Variants in SNX29 observed in about 807,000 individuals in gnomAD.
SNX29 encodes sorting nexin 29, also known as sorting nexin-29.
In SNX29, 78 loss-of-function variants were observed where a neutral mutation model predicts 102.1. The observed-to-expected ratio is 0.76, with a 90% CI of 0.64 to 0.92. The LOEUF (loss-of-function observed/expected upper bound fraction) is 0.92, where lower values mean the gene tolerates loss of function less well. Among genes scored for constraint, SNX29 ranks in the 40% least tolerant of loss-of-function variants. The pLI is 0.00. For missense variants in SNX29, 1,280 were observed against 1,061.7 expected, an observed-to-expected ratio of 1.21 and a Z score of -2.86; for synonymous variants, 580 against 414.5, an observed-to-expected ratio of 1.40 and a Z score of -4.85.
At chr16:12,553,662 C>T (rs1383354844) in intron 20 of SNX29, among the ~76,000 whole-genome samples, 1 of 146,580 alleles carries the variant, frequency 6.8e-6, no homozygotes, top group Non-Finnish European at 1.5e-5. Flanking sequence ...GTGATCTTGG[C>T]TCACTGCAAC....
chr16:12,367,584 C>G (rs1015775060), intron 16 of SNX29: 2 of 152,212 alleles, frequency 1.3e-5, no homozygotes. Flanking sequence ...CTGGGACTTT[C>G]TTGGTTTCTT....
rs142686001 is a variant in SNX29 at position 12,263,960 on chromosome 16, C to A, written c.1679-13973C>A. On this transcript the variant is annotated intron_variant, in intron 14 of 20. Coordinates refer to ENST00000566228, the MANE Select transcript of SNX29 (RefSeq NM_032167.5). ...TGATCTGATGTTCTATTAATGACTT[C>A]AATGACCTCCACCACCATTGCCATC... Among the ~76,000 whole-genome samples the A allele has an allele frequency of 3.1e-3, 472 of 152,328 alleles. 1 individual carries two copies. The highest frequency in any genetic ancestry group is 5.3e-3 in the Non-Finnish European group (361 of 68,036).
rs1231387487 is a variant in SNX29, at chr16:12,098,571, T to C, written c.1402+19656T>C. Among the ~76,000 whole-genome samples the C allele has an allele frequency of 1.3e-5, 2 of 152,176 alleles. No individual in the cohort carries two copies. The highest frequency in any genetic ancestry group is 2.4e-5 in the African/African-American group (1 of 41,432). The stretch of plus-strand genomic sequence containing the variant: ...CATGTGCGCAGACGATTCAGTTTCA[T>C]GCGCGCCCGATTCAGTTTCATGCTC... On this transcript the variant is annotated intron_variant, in intron 11 of 20. Coordinates refer to ENST00000566228, the MANE Select transcript of SNX29 (RefSeq NM_032167.5). This position sits in a 1 kb window ranked among gnomAD's most constrained non-coding sequence, Gnocchi z 6.0.
At chr16:12,180,387 T>G (rs1262288542) in intron 13 of SNX29, among the ~76,000 whole-genome samples, 1 of 152,204 alleles carries the variant, frequency 6.6e-6, no homozygotes, top group African/African-American at 2.4e-5. Flanking sequence ...CTTGAGAATT[T>G]CTGGCGCATC....
Position 12,572,091 on chromosome 16 carries a change from G to A in SNX29, c.*3462G>A, listed in dbSNP as rs897972923. ...CAAGATCTAGGAAGAGGAAGGGGAGGGATGTGGACTGGGTCTGATCACAGC... is the reference window on the plus strand; with the variant it reads ...CAAGATCTAGGAAGAGGAAGGGGAGAGATGTGGACTGGGTCTGATCACAGC... On this transcript the variant is annotated 3_prime_UTR_variant, in exon 21 of 21. Coordinates refer to ENST00000566228, the MANE Select transcript of SNX29 (RefSeq NM_032167.5). The A allele has an allele frequency of 1.4e-5, 15 of 1,056,206 alleles. No homozygotes were observed. Among genetic ancestry groups the A allele is most frequent in the African/African-American group, 1.6e-5 (1 of 60,746 alleles). The allele number at this position is 1,056,206 out of a possible 1,614,324, so 65.4% of individuals were successfully genotyped here.
chr16:12,449,195 T>A (rs555074393), intron 18 of SNX29, among the ~76,000 whole-genome samples: 1 of 151,908 alleles, frequency 6.6e-6, no homozygotes, highest in Admixed American at 6.6e-5. Context: ...TAGACCTTGG[T>A]CTAGGGCATT....
At chr16:12,195,071 A>G (rs1474685895) in intron 13 of SNX29, among the ~76,000 whole-genome samples, 1 of 152,220 alleles carries the variant, frequency 6.6e-6, no homozygotes, top group Non-Finnish European at 1.5e-5. Flanking sequence ...TCCAGTGCAA[A>G]TATATCCATG....
chr16:12,564,709 C>T (rs1001609040), intron 20 of SNX29, among the ~76,000 whole-genome samples: 1 of 152,080 alleles, frequency 6.6e-6, no homozygotes, highest in African/African-American at 2.4e-5. Context: ...GAGCTGCAAG[C>T]CCACTTTGTT....
chr16:12,024,253 C>G (rs932708000), intron 3 of SNX29, among the ~76,000 whole-genome samples: 8 of 152,078 alleles, frequency 5.3e-5, no homozygotes, highest in Non-Finnish European at 1.0e-4. Context: ...ATGCTCCTGC[C>G]TCAGCCTCCA....
chr16:12,201,091 C>T (rs1188739990), intron 14 of SNX29, among the ~76,000 whole-genome samples: 5 of 152,176 alleles, frequency 3.3e-5, no homozygotes, highest in African/African-American at 1.2e-4. Flanking sequence ...TGATCAGGAT[C>T]AGCTTATTGG....
chr16:12,528,769 A>AT (rs1220360489), intron 20 of SNX29, among the ~76,000 whole-genome samples: 1 of 152,162 alleles, frequency 6.6e-6, no homozygotes, highest in African/African-American at 2.4e-5. Flanking sequence ...CACGTTACTC[A>AT]TGATGCATTC....
intron 18 of SNX29, among the ~76,000 whole-genome samples, chr16:12,451,712 A>G (rs915553422): frequency 6.6e-6 from 1 of 152,118 alleles, no homozygotes; most frequent in African/African-American, 2.4e-5. Flanking sequence ...AAAATACAAA[A>G]AATTAGCCGG....
intron 15 of SNX29, among the ~76,000 whole-genome samples, chr16:12,309,730 G>A (rs576327919): frequency 6.6e-6 from 1 of 152,126 alleles, no homozygotes; most frequent in Non-Finnish European, 1.5e-5. Context: ...CTCTTAAATC[G>A]CTCCCGCCAG....
intron 13 of SNX29, among the ~76,000 whole-genome samples, chr16:12,192,171 T>C (rs1363435287): frequency 6.6e-6 from 1 of 152,196 alleles, no homozygotes; most frequent in African/African-American, 2.4e-5. Flanking sequence ...CATTAATTAT[T>C]GCAGTCGTTG....
At chr16:12,011,658 A>T (rs1302224904) in intron 3 of SNX29, among the ~76,000 whole-genome samples, 1 of 152,108 alleles carries the variant, frequency 6.6e-6, no homozygotes, top group Non-Finnish European at 1.5e-5. Context: ...CCTAGGCCAT[A>T]ATAAACATTA....
intron 13 of SNX29, among the ~76,000 whole-genome samples, chr16:12,180,642 T>C (rs1026841067): frequency 6.6e-6 from 1 of 152,148 alleles, no homozygotes; most frequent in South Asian, 2.1e-4. Flanking sequence ...CGCCACCACG[T>C]CCGGCTAATT....
chr16:12,362,549 G>GCACCAC (rs796831250), intron 16 of SNX29, among the ~76,000 whole-genome samples: 2,543 of 59,554 alleles, frequency 0.043, 298 homozygotes, highest in African/African-American at 0.13. Flanking sequence ...TTTGGCTGCT[G>GCACCAC]CACTCCCCCC....
Position 12,572,218 on chromosome 16 carries a change from G to A in SNX29, c.*3589G>A, listed in dbSNP as rs1030444726. On this transcript the variant is annotated 3_prime_UTR_variant, in exon 21 of 21. Coordinates refer to ENST00000566228, the MANE Select transcript of SNX29 (RefSeq NM_032167.5). Reference sequence around the variant, plus strand: ...GTAGTATTGTGCTTTAAAAACCAGAGGCTCCTGAAAGTCGTTTACACCAGG... The same window carrying A: ...GTAGTATTGTGCTTTAAAAACCAGAAGCTCCTGAAAGTCGTTTACACCAGG... 6 of 1,000,364 alleles carry A rather than the reference G, an allele frequency of 6.0e-6. No individual in the cohort carries two copies. In the East Asian group the frequency reaches 2.6e-4, roughly 43 times the overall value. The allele number at this position is 1,000,364 out of a possible 1,614,324, so 62.0% of individuals were successfully genotyped here.
chr16:12,365,902 C>T (rs1032001405), intron 16 of SNX29, among the ~76,000 whole-genome samples: 7 of 151,514 alleles, frequency 4.6e-5, no homozygotes, highest in Non-Finnish European at 8.8e-5. Context: ...ATTAGCCATG[C>T]GTGGTGGCGG....
Sources: gnomAD v4.1 joint callset for allele counts (sites outside exome capture counted in the v4.1 genomes callset) on GRCh38, gnomAD v4.1.1 for gene constraint, Gnocchi (gnomAD v3.1) non-coding constraint, MANE v1.5 for transcripts, NCBI Gene and HGNC (gene_info 2026-07-23, HGNC 2026-07-21) for gene names.